DEPDC1: variants seen among roughly 807,000 people sequenced by gnomAD.
The protein encoded by DEPDC1 is DEP domain containing 1, also known as DEP domain-containing protein 1A.
DEPDC1 carries 66 observed loss-of-function variants against 86.8 expected under a neutral mutation model. That is an observed-to-expected ratio of 0.76 (90% CI 0.62 to 0.93). DEPDC1 has a LOEUF of 0.93. DEPDC1 is among the 40% of genes least tolerant of loss of function. The pLI is 0.00. For missense variants in DEPDC1, 792 were observed against 935.7 expected, an observed-to-expected ratio of 0.85 and a Z score of 2.00; for synonymous variants, 255 against 314.9, an observed-to-expected ratio of 0.81 and a Z score of 2.02.
chr1:68,494,068 TTA>T (rs1165185285), intron 2 of DEPDC1, among the ~76,000 whole-genome samples: 3 of 152,212 alleles, frequency 2.0e-5, no homozygotes, highest in African/African-American at 7.2e-5. Context: ...TTAAATTAAA[TTA>T]TATGTTTGAA....
chr1:68,479,153 T>A lies in DEPDC1; in HGVS notation c.2103A>T (p.Lys701Asn). Residue 701 changes from lysine to asparagine, a missense_variant, in exon 10 of 12, where the codon AAA (lysine) becomes AAT (asparagine). Lys to Asn is a moderately conservative substitution (Grantham distance 94, BLOSUM62 0). Transcript: ENST00000456315. ...TAVEKHLDYLKKGHIENPGDG... is the reference protein window; with the variant it reads ...TAVEKHLDYLNKGHIENPGDG... ...GACTCACAATACTTACATGTCCCTTTTTTAAGTAGTCAAGATGTTTTTCCA... is the reference window on the plus strand; with the variant it reads ...GACTCACAATACTTACATGTCCCTTATTTAAGTAGTCAAGATGTTTTTCCA... 1 of 1,607,994 alleles carries A rather than the reference T, an allele frequency of 6.2e-7. No individual in the cohort carries two copies.
intron 4 of DEPDC1, among the ~76,000 whole-genome samples, 184 bp downstream of exon 4, chr1:68,488,732 C>T (rs558016024): frequency 4.6e-5 from 7 of 151,500 alleles, no homozygotes; most frequent in East Asian, 3.9e-4. Context: ...TGAATCATAC[C>T]GAAACATTCA....
At position 68,482,712 on chromosome 1, in the gene DEPDC1, G is replaced by A. The variant is rs373920230; in HGVS notation, c.1096C>T (p.Gln366Ter). 53 of 1,612,502 alleles carry A rather than the reference G, an allele frequency of 3.3e-5. No homozygotes were observed. The African/African-American group carries it at 6.4e-4, about 19-fold the overall frequency. ...KEESDSTERL[Q>*]ISNPGFQERC... The stretch of plus-strand genomic sequence containing the variant: ...TCTTGAAATCCTGGATTGCTTATCT[G>A]TAGTCTCTCAGTAGAATCTGATTCT... Residue 366 changes from glutamine (Q) to a stop codon, truncating the protein, a stop_gained, in exon 8 of 12, where the codon CAG becomes TAG. Transcript: ENST00000456315. LOFTEE classifies it high-confidence loss of function.
chr1:68,496,944 T>G lies in DEPDC1; in HGVS notation c.48+8A>C. On this transcript the variant is annotated splice_region_variant and intron_variant, in intron 1 of 11. Transcript: ENST00000456315. This position sits in a 1 kb window ranked among gnomAD's most constrained non-coding sequence, Gnocchi z 4.0. ...GCTGACCGGTCCCGTCTATCCGAGC[T>G]GTCTTACCAGCTTGGTGGCCCGATA... is the stretch of plus-strand genomic sequence containing the variant. 1.9e-6 allele frequency: 3 copies of G among 1,610,838 alleles called. No homozygotes were observed. The highest frequency in any genetic ancestry group is 2.5e-6 in the Non-Finnish European group (3 of 1,178,248).
At position 68,481,368 on chromosome 1, in the gene DEPDC1, C is replaced by A. The variant is rs1571195748; in HGVS notation, c.1935+72G>T. 5.8e-6 allele frequency: 8 copies of A among 1,390,574 alleles called. No homozygotes were observed. In the East Asian group the frequency reaches 1.9e-4, roughly 32 times the overall value. The allele number at this position is 1,390,574 out of a possible 1,614,324, so 86.1% of individuals were successfully genotyped here. Reference sequence around the variant, plus strand: ...AGACTAAGACATCACTTGAGTAGTACTTTTACGTAGTTTGGTTTTGTTATT... The same window carrying A: ...AGACTAAGACATCACTTGAGTAGTAATTTTACGTAGTTTGGTTTTGTTATT... On this transcript the variant is annotated intron_variant, in intron 9 of 11. Transcript: ENST00000456315.
chr1:68,490,532 T>G (rs1646222936), intron 2 of DEPDC1, among the ~76,000 whole-genome samples: 1 of 152,212 alleles, frequency 6.6e-6, no homozygotes, highest in Admixed American at 6.5e-5. Context: ...CTCATTGTCT[T>G]TGCTATTGTG....
intron 9 of DEPDC1, among the ~76,000 whole-genome samples, chr1:68,479,698 G>T (rs951044868): frequency 6.6e-6 from 1 of 151,820 alleles, no homozygotes; most frequent in Non-Finnish European, 1.5e-5. Context: ...AGCTACTTGG[G>T]AGAGTGAGGC....
At chr1:68,483,632 T>G in intron 7 of DEPDC1, 1 of 267,954 alleles carries the variant, frequency 3.7e-6, no homozygotes, top group South Asian at 4.3e-5. Context: ...CCTCATACCG[T>G]GCTCTGTGTA....
chr1:68,481,352 C>T (rs986077679), intron 9 of DEPDC1, 88 bp downstream of exon 9: 1 of 1,168,838 alleles, frequency 8.6e-7, no homozygotes, highest in Admixed American at 2.2e-5. Context: ...AAGACTAAGA[C>T]ATCACTTGAG....
rs565107020 is a variant in DEPDC1, at chr1:68,492,744, C to G, written c.314+1686G>C. On this transcript the variant is annotated intron_variant, in intron 2 of 11. Transcript: ENST00000456315. ...AATCCAGGTAAGAATTATAGCCTAA[C>G]AAAAAGAAGATTCATCTTGGAGAGA... 9.9e-5 allele frequency among the ~76,000 whole-genome samples: 15 copies of G among 152,104 alleles called. No homozygotes were observed. The East Asian group carries it at 2.9e-3, about 29-fold the overall frequency.
rs776558523 is a variant in DEPDC1 at position 68,479,119 on chromosome 1, G to T, written c.2112+25C>A. On this transcript the variant is annotated intron_variant, in intron 10 of 11. Transcript: ENST00000456315. ...GCCACTTGCAACTGACTATTGCAGA[G>T]AATTTTAAGACTCACAATACTTACA... 3.8e-6 allele frequency: 6 copies of T among 1,575,078 alleles called. No homozygotes were observed. The African/African-American group carries it at 5.5e-5, about 14-fold the overall frequency.
At chr1:68,492,104 G>C (rs1411160754) in intron 2 of DEPDC1, among the ~76,000 whole-genome samples, 3 of 152,074 alleles carry the variant, frequency 2.0e-5, no homozygotes, top group Non-Finnish European at 2.9e-5. Flanking sequence ...TCAAAAGTTT[G>C]AACACCTCAG....
In DEPDC1 at chr1:68,494,417, A is replaced by G. The variant is rs372453252; in HGVS notation, c.314+13T>C. 3 of 1,608,132 alleles carry G rather than the reference A, an allele frequency of 1.9e-6. No homozygotes were observed. Among genetic ancestry groups the G allele is most frequent in the African/African-American group, 2.7e-5 (2 of 74,676 alleles). ...CAGTAATTCAGTTTTACAGTTACAT[A>G]TCTGTTCATTACCTGAAGAGCTGGT... On this transcript the variant is annotated intron_variant, in intron 2 of 11. Transcript: ENST00000456315.
chr1:68,495,553 T>C (rs993312091), intron 1 of DEPDC1, among the ~76,000 whole-genome samples: 1 of 152,226 alleles, frequency 6.6e-6, no homozygotes, highest in African/African-American at 2.4e-5. Flanking sequence ...GAAACTGATA[T>C]TGAGCTGCTC....
At position 68,475,105 on chromosome 1, in the gene DEPDC1, A is replaced by G. The variant is rs2100234173; in HGVS notation, c.*1827T>C. The stretch of plus-strand genomic sequence containing the variant: ...GGTACTATTATAATATTCATTTTAT[A>G]GATAACAAAACTGGGGCTTAGAGAA... On this transcript the variant is annotated 3_prime_UTR_variant, in exon 12 of 12. Coordinates refer to ENST00000456315, the MANE Select transcript of DEPDC1 (RefSeq NM_001114120.3). The G allele has an allele frequency of 6.6e-6, 1 of 152,184 alleles. No individual in the cohort carries two copies. The highest frequency in any genetic ancestry group is 3.4e-3 in the Middle Eastern group (1 of 294). The allele number at this position is 152,184 out of a possible 1,614,324, so 9.4% of individuals were successfully genotyped here.
chr1:68,487,802 A>G (rs1186927634), intron 5 of DEPDC1, among the ~76,000 whole-genome samples: 1 of 151,960 alleles, frequency 6.6e-6, no homozygotes, highest in Non-Finnish European at 1.5e-5. Context: ...GTTTTCTAAT[A>G]CATCTATCTA....
Position 68,484,049 on chromosome 1 carries a change from A to T in DEPDC1, c.811T>A (p.Phe271Ile). The change falls in exon 7 of 12, where the codon TTT becomes ATT. Residue 271 changes from phenylalanine to isoleucine, a missense_variant. By Grantham distance (21) the Phe-to-Ile change is conservative. Coordinates refer to ENST00000456315, the MANE Select transcript of DEPDC1 (RefSeq NM_001114120.3). ...NDMNNPTYVGFERDVFRTIAD... is the reference protein window; with the variant it reads ...NDMNNPTYVGIERDVFRTIAD... Reference sequence around the variant, plus strand: ...ATTGTTCTGAATACATCTCGTTCAAATCCAACATAAGTTGGATTATTCATA... The same window carrying T: ...ATTGTTCTGAATACATCTCGTTCAATTCCAACATAAGTTGGATTATTCATA... 2 of 1,586,972 alleles carry T rather than the reference A, an allele frequency of 1.3e-6. No individual in the cohort carries two copies. The highest frequency in any genetic ancestry group is 1.7e-6 in the Non-Finnish European group (2 of 1,169,802).
chr1:68,478,836 G>A (rs546185436), intron 10 of DEPDC1, among the ~76,000 whole-genome samples: 1 of 152,086 alleles, frequency 6.6e-6, no homozygotes, highest in African/African-American at 2.4e-5. Context: ...TTTTAAATTG[G>A]AGACGGAGGA....
In DEPDC1 at chr1:68,482,154, C is replaced by T. The variant is rs200804950; in HGVS notation, c.1654G>A (p.Glu552Lys). ...ATTGTGGCACTAGACTCTCCGAGTT[C>T]ACTTTCCATAGCTGTTTGCACACTT... ...STSVQTAMES[E>K]LGESSATINK... is the part of the protein sequence containing the mutation. Residue 552 changes from glutamate (E) to lysine (K), a missense_variant, in exon 8 of 12, where the codon GAA (glutamate) becomes AAA (lysine). Physicochemically the swap from Glu to Lys is moderately conservative, Grantham distance 56 (BLOSUM62 1). Transcript: ENST00000456315. The T allele has an allele frequency of 1.0e-4, 165 of 1,612,814 alleles. No homozygotes were observed. In the African/African-American group the frequency reaches 2.1e-3, roughly 21 times the overall value.
Sources: gnomAD v4.1 joint callset for allele counts (sites outside exome capture counted in the v4.1 genomes callset) on GRCh38, gnomAD v4.1.1 for gene constraint, Gnocchi (gnomAD v3.1) non-coding constraint, MANE v1.5 for transcripts, NCBI Gene and HGNC (gene_info 2026-07-23, HGNC 2026-07-21) for gene names.